Variants in FUNDC1 observed in about 807,000 individuals in gnomAD.
The protein encoded by FUNDC1 is FUN14 domain-containing protein 1.
FUNDC1 carries 10 observed loss-of-function variants against 14.5 expected under a neutral mutation model. The ratio of observed to expected loss-of-function variants is 0.69; its 90% CI spans 0.43 to 1.17. FUNDC1 has a LOEUF of 1.17. Ranked by LOEUF, FUNDC1 falls within the 50% of genes most tolerant of loss-of-function variation. The pLI, the probability that FUNDC1 is intolerant of heterozygous loss-of-function variation, is 0.00. For synonymous variants in FUNDC1, 33 were observed against 39.7 expected (o/e 0.83, Z 0.64); for missense variants, 115 against 113.8 (o/e 1.01, Z -0.05).
chrX:44,532,724 G>A (rs2038931696), intron 3 of FUNDC1, among the ~76,000 whole-genome samples: 1 of 109,122 alleles, frequency 9.2e-6, no homozygotes, highest in African/African-American at 3.3e-5. Flanking sequence ...GGCTAATTTT[G>A]TACTTTTAGT....
Position 44,531,312 on chromosome X carries a change from C to CACACACACACACACA in FUNDC1, c.262-3948_262-3947insTGTGTGTGTGTGTGT, listed in dbSNP as rs1477318576. Among the ~76,000 whole-genome samples, 15 of 22,797 alleles carry CACACACACACACACA rather than the reference C, an allele frequency of 6.6e-4. 4 individuals are homozygous for CACACACACACACACA. The highest frequency in any genetic ancestry group is 3.0e-3 in the African/African-American group (3 of 991). The allele number at this position is 22,797 out of a possible 115,157, so 19.8% of individuals were successfully genotyped here. A position where few individuals can be genotyped will look rare whatever the true frequency, so the allele number is the denominator to read the frequency against. On this transcript the variant is annotated intron_variant, in intron 3 of 4. Coordinates refer to ENST00000378045, the MANE Select transcript of FUNDC1 (RefSeq NM_173794.4). ...GCTTTCAGATGAAGATTCATGTTGG[C>CACACACACACACACA]CAGACACACACACACACACACACAC...
At chrX:44,535,530 C>T (rs1442363972) in intron 3 of FUNDC1, among the ~76,000 whole-genome samples, 2 of 106,769 alleles carry the variant, frequency 1.9e-5, no homozygotes, top group African/African-American at 6.9e-5. Context: ...GTTAGCCGGG[C>T]TTGGTGGCGG....
Position 44,527,231 on chromosome X carries a change from T to C in FUNDC1, c.390+6A>G. ...AAAAAAAAGTCAAAATTATATATCA[T>C]CTTACTTCTTCAATTAAATTGTTGA... is the stretch of plus-strand genomic sequence containing the variant. On this transcript the variant is annotated splice_donor_region_variant and intron_variant, in intron 4 of 4. Coordinates refer to ENST00000378045, the MANE Select transcript of FUNDC1 (RefSeq NM_173794.4). The C allele has an allele frequency of 8.7e-7, 1 of 1,154,126 alleles. No individual in the cohort carries two copies. The highest frequency in any genetic ancestry group is 1.8e-5 in the African/African-American group (1 of 55,550).
At chrX:44,529,222 T>C (rs17146941) in intron 3 of FUNDC1, among the ~76,000 whole-genome samples, 1,896 of 111,661 alleles carry the variant, frequency 0.017, 35 homozygotes, top group African/African-American at 0.058. Context: ...AAGGAAACCA[T>C]TTTAATGAGA....
chrX:44,526,132 A>C (rs868834223), intron 4 of FUNDC1, among the ~76,000 whole-genome samples: 1 of 102,668 alleles, frequency 9.7e-6, no homozygotes, highest in Admixed American at 1.0e-4. Context: ...AAAAAAAAAA[A>C]ACAAAAAAAA....
At position 44,541,988 on chromosome X, in the gene FUNDC1, A is replaced by G; in HGVS notation, c.142T>C (p.Tyr48His). 8.3e-7 allele frequency: 1 copy of G among 1,208,250 alleles called. No individual in the cohort carries two copies. Among genetic ancestry groups the G allele is most frequent in the Non-Finnish European group, 1.1e-6 (1 of 893,498 alleles). ...GHSSGPMVEK[Y>H]SVATQIVMGG... Reference sequence around the variant, plus strand: ...ATTACAATCTGGGTAGCTACTGAGTATTTTTCTACCATAGGTCCCGAACTG... The same window carrying G: ...ATTACAATCTGGGTAGCTACTGAGTGTTTTTCTACCATAGGTCCCGAACTG... Residue 48 changes from tyrosine to histidine, a missense_variant, in exon 2 of 5, where the codon TAC becomes CAC. Transcript: ENST00000378045.
chrX:44,525,026 A>G (rs2038895465), intron 4 of FUNDC1, among the ~76,000 whole-genome samples: 1 of 111,498 alleles, frequency 9.0e-6, no homozygotes, highest in African/African-American at 3.3e-5. Context: ...ACTTTGGTAA[A>G]ATGTTTAACC....
At chrX:44,525,697 A>G (rs781178640) in intron 4 of FUNDC1, among the ~76,000 whole-genome samples, 126 of 108,308 alleles carry the variant, frequency 1.2e-3, no homozygotes, top group Non-Finnish European at 2.1e-3. Context: ...CTACAAAAAT[A>G]TAAAAATTAG....
intron 2 of FUNDC1, among the ~76,000 whole-genome samples, chrX:44,538,953 T>C (rs767104909): frequency 2.5e-4 from 28 of 111,220 alleles, no homozygotes; most frequent in African/African-American, 4.2e-4. Flanking sequence ...CCAACCCCAT[T>C]AACCTCCAAA....
At chrX:44,526,424 C>A (rs2038902409) in intron 4 of FUNDC1, among the ~76,000 whole-genome samples, 1 of 101,009 alleles carries the variant, frequency 9.9e-6, no homozygotes, top group South Asian at 4.9e-4. Context: ...GGCGAGAACC[C>A]GTCTCAAAAA....
chrX:44,524,140 T>C lies in FUNDC1; in HGVS notation c.*58A>G. 4 of 840,685 alleles carry C rather than the reference T, an allele frequency of 4.8e-6. No individual in the cohort carries two copies. Among genetic ancestry groups the C allele is most frequent in the Non-Finnish European group, 7.1e-6 (4 of 560,874 alleles). The allele number at this position is 840,685 out of a possible 1,213,427, so 69.3% of individuals were successfully genotyped here. On this transcript the variant is annotated 3_prime_UTR_variant, in exon 5 of 5. Coordinates refer to ENST00000378045, the MANE Select transcript of FUNDC1 (RefSeq NM_173794.4). ...GCAGTATGACTTTTGAGAGACTGCC[T>C]TATTGCTGCCACTTCTCTTCTCATA...
intron 4 of FUNDC1, among the ~76,000 whole-genome samples, chrX:44,526,031 G>A (rs1272662217): frequency 1.9e-4 from 21 of 109,335 alleles, no homozygotes; most frequent in Non-Finnish European, 5.7e-5. Context: ...TTGAGCCAGG[G>A]GAGTCAAGGC....
At chrX:44,542,646 G>A (rs1196220299) in intron 1 of FUNDC1, among the ~76,000 whole-genome samples, 159 bp downstream of exon 1, 2 of 109,790 alleles carry the variant, frequency 1.8e-5, no homozygotes, top group Non-Finnish European at 3.8e-5. Flanking sequence ...AGAGAGGGGA[G>A]GAAAAAGTCT....
intron 3 of FUNDC1, among the ~76,000 whole-genome samples, chrX:44,535,322 T>C (rs1317441716): frequency 1.8e-5 from 2 of 110,364 alleles, no homozygotes; most frequent in East Asian, 2.9e-4. Context: ...TGATGAACTA[T>C]TTGATACATA....
rs773156368 is a variant in FUNDC1 at position 44,541,976 on chromosome X, T to C, written c.154A>G (p.Thr52Ala). The C allele has an allele frequency of 3.3e-6, 4 of 1,206,139 alleles. No homozygotes were observed. Among genetic ancestry groups the C allele is most frequent in the African/African-American group, 1.8e-5 (1 of 56,949 alleles). ...GTAACGCCACCCATTACAATCTGGGTAGCTACTGAGTATTTTTCTACCATA... is the reference window on the plus strand; with the variant it reads ...GTAACGCCACCCATTACAATCTGGGCAGCTACTGAGTATTTTTCTACCATA... ...GPMVEKYSVA[T>A]QIVMGGVTGW... Residue 52 changes from threonine to alanine, a missense_variant, in exon 2 of 5, where the codon ACC becomes GCC. Transcript: ENST00000378045.
chrX:44,537,267 T>C (rs910546444), intron 3 of FUNDC1, among the ~76,000 whole-genome samples: 2 of 111,990 alleles, frequency 1.8e-5, no homozygotes, highest in African/African-American at 3.2e-5. Flanking sequence ...TGGATTAAAA[T>C]ATACACTTCT....
At chrX:44,535,728 G>A (rs1472743930) in intron 3 of FUNDC1, among the ~76,000 whole-genome samples, 1 of 107,056 alleles carries the variant, frequency 9.3e-6, no homozygotes, top group Admixed American at 1.0e-4. Flanking sequence ...GCTCACGCCT[G>A]TAATCCCAGC....
chrX:44,534,588 A>G (rs1201987577), intron 3 of FUNDC1, among the ~76,000 whole-genome samples: 1 of 104,604 alleles, frequency 9.6e-6, no homozygotes, highest in Non-Finnish European at 2.0e-5. Context: ...AGAAAATCCT[A>G]TAAGCATTAA....
chrX:44,523,955 A>G lies in FUNDC1; in HGVS notation c.*243T>C. 3.3e-6 allele frequency: 1 copy of G among 301,717 alleles called. No individual in the cohort carries two copies. Among genetic ancestry groups the G allele is most frequent in the Non-Finnish European group, 5.8e-6 (1 of 171,892 alleles). 24.9% of individuals were successfully genotyped at this position (301,717 alleles called of 1,213,427 possible). A position where few individuals can be genotyped will look rare whatever the true frequency, so the allele number is the denominator to read the frequency against. Reference sequence around the variant, plus strand: ...TTCTAAACAGATGCAAATTTTTACAAAGCGATGAAAGCCACGTTTTGCTCA... The same window carrying G: ...TTCTAAACAGATGCAAATTTTTACAGAGCGATGAAAGCCACGTTTTGCTCA... On this transcript the variant is annotated 3_prime_UTR_variant, in exon 5 of 5. Transcript: ENST00000378045.
Sources: gnomAD v4.1 joint callset for allele counts (sites outside exome capture counted in the v4.1 genomes callset) on GRCh38, gnomAD v4.1.1 for gene constraint, MANE v1.5 for transcripts, NCBI Gene and HGNC (gene_info 2026-07-23, HGNC 2026-07-21) for gene names.